The following EYS variants were observed in gnomAD, a reference collection of about 807,000 sequenced individuals.
EYS encodes EGF-like photoreceptor maintenance factor, also known as protein eyes shut homolog.
Under a neutral mutation model 282.1 loss-of-function variants are expected in EYS, and 250 were observed. The observed-to-expected ratio is 0.89, with a 90% CI of 0.80 to 0.98. The LOEUF (loss-of-function observed/expected upper bound fraction) is 0.98. Ranked by LOEUF, EYS falls within the 50% of genes least tolerant of loss-of-function variation. EYS has a pLI of 0.00. For synonymous variants in EYS, 1,355 were observed against 1,282.9 expected (o/e 1.06, Z -1.20); for missense variants, 4,016 against 3,709.0 (o/e 1.08, Z -2.15).
intron 5 of EYS, among the ~76,000 whole-genome samples, chr6:65,427,610 A>T (rs1016870657): frequency 3.3e-5 from 5 of 152,114 alleles, no homozygotes; most frequent in African/African-American, 1.2e-4. Context: ...TAGGCAGCAT[A>T]TTTGAGTCAA....
Position 65,399,366 on chromosome 6 carries a change from C to G in EYS, c.1184+3112G>C, listed in dbSNP as rs531141688. 2.0e-5 allele frequency among the ~76,000 whole-genome samples: 3 copies of G among 151,930 alleles called. No individual in the cohort carries two copies. In the East Asian group the frequency reaches 5.8e-4, roughly 29 times the overall value. ...CCGCCCAAGTCAAGACCTTCCATTT[C>G]AATCAGTAAGATCCAAAATCATTAT... On this transcript the variant is annotated intron_variant, in intron 7 of 42. Coordinates refer to ENST00000503581, the MANE Select transcript of EYS (RefSeq NM_001142800.2).
intron 41 of EYS, among the ~76,000 whole-genome samples, chr6:63,743,317 C>T (rs1408069405): frequency 1.3e-5 from 2 of 152,172 alleles, no homozygotes; most frequent in African/African-American, 4.8e-5. Flanking sequence ...TTCAGACAAC[C>T]TCTGACTTAG....
chr6:64,241,627 C>T (rs977938734), intron 30 of EYS, among the ~76,000 whole-genome samples: 3 of 151,518 alleles, frequency 2.0e-5, no homozygotes, highest in Non-Finnish European at 2.9e-5. Context: ...AAAAAAACAG[C>T]TCCTGGATTC....
chr6:64,484,560 A>C (rs1179642729), intron 26 of EYS, among the ~76,000 whole-genome samples: 1 of 151,636 alleles, frequency 6.6e-6, no homozygotes, highest in South Asian at 2.1e-4. Flanking sequence ...TGAGGCTAAC[A>C]TATGATATAG....
chr6:64,390,641 G>C (rs889590964), intron 28 of EYS, among the ~76,000 whole-genome samples: 1 of 150,212 alleles, frequency 6.7e-6, no homozygotes, highest in Non-Finnish European at 1.5e-5. Flanking sequence ...CATCATCAAA[G>C]ACCAAAAGTA....
chr6:64,758,260 C>G (rs540371684), intron 22 of EYS, among the ~76,000 whole-genome samples: 12 of 152,124 alleles, frequency 7.9e-5, no homozygotes, highest in Non-Finnish European at 1.6e-4. Context: ...ATACTCTCCT[C>G]TAAATAAGTT....
chr6:64,452,084 C>T (rs1053472794), intron 26 of EYS, among the ~76,000 whole-genome samples: 123 of 152,180 alleles, frequency 8.1e-4, no homozygotes, highest in African/African-American at 2.8e-3. Flanking sequence ...TGTTTGCAGA[C>T]AACATGATTA....
intron 33 of EYS, among the ~76,000 whole-genome samples, chr6:64,009,214 G>A (rs1001131603): frequency 8.0e-5 from 12 of 150,824 alleles, no homozygotes; most frequent in African/African-American, 2.9e-4. Context: ...TTGAAGAACT[G>A]GTCTTCGAGC....
At chr6:65,550,040 G>C (rs1768546071) in intron 2 of EYS, among the ~76,000 whole-genome samples, 1 of 151,448 alleles carries the variant, frequency 6.6e-6, no homozygotes, top group African/African-American at 2.4e-5. Flanking sequence ...CTAGACAGAT[G>C]CTTTTTGTCC....
At chr6:64,090,168 A>G (rs191956880) in intron 31 of EYS, among the ~76,000 whole-genome samples, 267 of 152,268 alleles carry the variant, frequency 1.8e-3, no homozygotes, top group African/African-American at 6.1e-3. Context: ...TTCTCATTGT[A>G]CTTGACATGC....
At chr6:64,886,533 T>C (rs1767091352) in intron 19 of EYS, among the ~76,000 whole-genome samples, 164 bp downstream of exon 19, 1 of 152,038 alleles carries the variant, frequency 6.6e-6, no homozygotes, top group African/African-American at 2.4e-5. Flanking sequence ...AAACACATAA[T>C]TTTACTTCTT....
intron 32 of EYS, among the ~76,000 whole-genome samples, chr6:64,075,305 A>C (rs1029149786): frequency 1.3e-5 from 2 of 151,834 alleles, no homozygotes; most frequent in Non-Finnish European, 2.9e-5. Context: ...GCAGACAGAG[A>C]AGCTCTGGGG....
At chr6:63,727,540 GC>G (rs1034418425) in intron 41 of EYS, among the ~76,000 whole-genome samples, 4 of 149,258 alleles carry the variant, frequency 2.7e-5, no homozygotes, top group African/African-American at 1.0e-4. Context: ...AGAATGCAAA[GC>G]GCTATACCTC....
At chr6:64,250,152 C>A (rs1336030942) in intron 30 of EYS, among the ~76,000 whole-genome samples, 2 of 152,154 alleles carry the variant, frequency 1.3e-5, no homozygotes, top group African/African-American at 2.4e-5. Context: ...ATTACCTATC[C>A]TTTTCTCCAG....
intron 33 of EYS, among the ~76,000 whole-genome samples, chr6:64,031,905 G>C (rs927524415): frequency 6.6e-6 from 1 of 152,172 alleles, no homozygotes; most frequent in Admixed American, 6.5e-5. Context: ...CAGGCTGCCT[G>C]AGCCAGCAGT....
At chr6:64,818,435 G>A (rs536682457) in intron 21 of EYS, among the ~76,000 whole-genome samples, 2 of 152,138 alleles carry the variant, frequency 1.3e-5, no homozygotes, top group Admixed American at 6.6e-5. Context: ...GTGAAAGGGA[G>A]TTTATTAAGG....
At chr6:64,302,699 T>A (rs1769278113) in intron 30 of EYS, among the ~76,000 whole-genome samples, 1 of 152,114 alleles carries the variant, frequency 6.6e-6, no homozygotes, top group South Asian at 2.1e-4. Flanking sequence ...AGGGGGAGTA[T>A]GAGTAAGGAC....
At chr6:64,954,233 G>A (rs926567530) in intron 14 of EYS, among the ~76,000 whole-genome samples, 3 of 150,800 alleles carry the variant, frequency 2.0e-5, no homozygotes, top group Admixed American at 6.6e-5. Context: ...TAAACCATTT[G>A]TGATCCTTTT....
intron 32 of EYS, among the ~76,000 whole-genome samples, chr6:64,078,982 T>G (rs1489362913): frequency 1.3e-5 from 2 of 152,116 alleles, no homozygotes; most frequent in African/African-American, 4.8e-5. Context: ...GAGCTGTTTT[T>G]AGTTGGTAGA....
Sources: gnomAD v4.1 joint callset for allele counts (sites outside exome capture counted in the v4.1 genomes callset) on GRCh38, gnomAD v4.1.1 for gene constraint, MANE v1.5 for transcripts, NCBI Gene and HGNC (gene_info 2026-07-23, HGNC 2026-07-21) for gene names.